Variants in RHOBTB3 observed in about 807,000 individuals in gnomAD.
RHOBTB3 encodes Rho related BTB domain containing 3, also known as rho-related BTB domain-containing protein 3.
RHOBTB3 carries 47 observed loss-of-function variants against 67.2 expected under a neutral mutation model. The ratio of observed to expected loss-of-function variants is 0.70; its 90% CI spans 0.55 to 0.89. RHOBTB3 has a LOEUF of 0.89. Ranked by LOEUF, RHOBTB3 falls within the 40% of genes least tolerant of loss-of-function variation. The pLI is 0.00. For synonymous variants in RHOBTB3, 273 were observed against 274.2 expected (o/e 1.00, Z 0.04); for missense variants, 631 against 750.0 (o/e 0.84, Z 1.85).
rs77097547 is a variant in RHOBTB3, at chr5:95,766,652, A to G, written c.1162-1394A>G. Among the ~76,000 whole-genome samples the G allele has an allele frequency of 7.7e-3, 1,172 of 152,026 alleles. 16 individuals are homozygous for G. Among genetic ancestry groups the G allele is most frequent in the African/African-American group, 0.027 (1,118 of 41,490 alleles). On this transcript the variant is annotated intron_variant, in intron 7 of 11. Coordinates refer to ENST00000379982, the MANE Select transcript of RHOBTB3 (RefSeq NM_014899.4). ...AAGCAAAGAAAAAAGGGTGGAGGGT[A>G]TGGAAAGGGAGGCCAGCCCTTGACT...
At chr5:95,770,662 C>A (rs1745681394) in intron 8 of RHOBTB3, 1 of 493,086 alleles carries the variant, frequency 2.0e-6, no homozygotes, top group South Asian at 1.5e-5. Context: ...AGAGAAGGAC[C>A]CTGGAATGGG....
intron 3 of RHOBTB3, among the ~76,000 whole-genome samples, chr5:95,742,715 C>T (rs778059432): frequency 4.6e-5 from 7 of 152,132 alleles, no homozygotes; most frequent in Non-Finnish European, 7.3e-5. Context: ...CTTTTCATAC[C>T]AGATCTCTAA....
intron 8 of RHOBTB3, among the ~76,000 whole-genome samples, chr5:95,778,045 G>A (rs375794677): frequency 6.6e-6 from 1 of 152,018 alleles, no homozygotes; most frequent in African/African-American, 2.4e-5. Flanking sequence ...ATTTGAACCT[G>A]GGAGGCGGAG....
intron 10 of RHOBTB3, 150 bp from the exon 11 acceptor site, chr5:95,788,611 TG>T (rs1419692079): frequency 6.8e-6 from 4 of 592,518 alleles, no homozygotes; most frequent in East Asian, 6.8e-5. Context: ...TCATCCTGTC[TG>T]CTGTCACAGT....
intron 2 of RHOBTB3, among the ~76,000 whole-genome samples, chr5:95,733,269 T>C (rs887555644): frequency 2.6e-5 from 4 of 152,216 alleles, no homozygotes; most frequent in African/African-American, 9.7e-5. Flanking sequence ...ATAAGAAGTA[T>C]TGATGGAGAA....
chr5:95,750,186 T>C (rs1451048799), intron 4 of RHOBTB3, among the ~76,000 whole-genome samples: 1 of 152,142 alleles, frequency 6.6e-6, no homozygotes, highest in Non-Finnish European at 1.5e-5. Flanking sequence ...GCATTGAAAA[T>C]CTGCATTTAA....
chr5:95,749,669 A>C (rs1014897082), intron 4 of RHOBTB3, among the ~76,000 whole-genome samples: 2 of 152,192 alleles, frequency 1.3e-5, no homozygotes, highest in Non-Finnish European at 2.9e-5. Flanking sequence ...AGAATGGTGC[A>C]TTTCCTAAAA....
chr5:95,783,062 G>T (rs1042050347), intron 9 of RHOBTB3, among the ~76,000 whole-genome samples: 1 of 150,730 alleles, frequency 6.6e-6, no homozygotes, highest in African/African-American at 2.4e-5. Context: ...GAGTATGAAG[G>T]CTTGGATTCT....
chr5:95,745,800 G>C (rs1580402219), intron 3 of RHOBTB3, among the ~76,000 whole-genome samples: 1 of 152,032 alleles, frequency 6.6e-6, no homozygotes, highest in East Asian at 1.9e-4. Flanking sequence ...GCTTGTTCCT[G>C]ATTAAATGGT....
At chr5:95,767,926 T>A (rs1172717398) in intron 7 of RHOBTB3, 120 bp from the exon 8 acceptor site, 1 of 949,220 alleles carries the variant, frequency 1.1e-6, no homozygotes, top group East Asian at 2.5e-5. Flanking sequence ...AGAGATGTCA[T>A]AGAGTAGGGA....
chr5:95,786,915 G>A (rs576383499), intron 10 of RHOBTB3, among the ~76,000 whole-genome samples: 1 of 152,212 alleles, frequency 6.6e-6, no homozygotes, highest in African/African-American at 2.4e-5. Context: ...ATGAATCTGG[G>A]CCAGGTCTGT....
Position 95,793,375 on chromosome 5 carries a change from C to CT in RHOBTB3, c.*202dup. The CT allele has an allele frequency of 2.5e-6, 1 of 406,816 alleles. No individual in the cohort carries two copies. Among genetic ancestry groups the CT allele is most frequent in the East Asian group, 3.9e-5 (1 of 25,468 alleles). The allele number at this position is 406,816 out of a possible 1,614,324, so 25.2% of individuals were successfully genotyped here. On this transcript the variant is annotated 3_prime_UTR_variant, in exon 12 of 12. Coordinates refer to ENST00000379982, the MANE Select transcript of RHOBTB3 (RefSeq NM_014899.4). The stretch of plus-strand genomic sequence containing the variant: ...GAACAAAATATACCATAGGCTAAAA[C>CT]TAAGGCTTTCACTCTAGAATGCAAA...
At position 95,736,996 on chromosome 5, in the gene RHOBTB3, G is replaced by A. The variant is rs763103033; in HGVS notation, c.336G>A (p.Lys112=). Reference sequence around the variant, plus strand: ...ACAAGTTTTCATTCCATGAAGTAAAGGATAATTATATTCCAGTGATAAAAA... The same window carrying A: ...ACAAGTTTTCATTCCATGAAGTAAAAGATAATTATATTCCAGTGATAAAAA... ...VNDKFSFHEV[K]DNYIPVIKRA... Residue 112 remains lysine (K), a synonymous_variant, in exon 3 of 12, where the codon AAG becomes AAA. Transcript: ENST00000379982. The A allele has an allele frequency of 6.2e-7, 1 of 1,606,496 alleles. No individual in the cohort carries two copies. Among genetic ancestry groups the A allele is most frequent in the South Asian group, 1.1e-5 (1 of 90,764 alleles).
intron 2 of RHOBTB3, 153 bp downstream of exon 2, chr5:95,732,237 G>A (rs904128548): frequency 7.0e-6 from 5 of 709,598 alleles, no homozygotes; most frequent in Non-Finnish European, 9.8e-6. Flanking sequence ...TTGGTCCTTT[G>A]TTTCACTGGG....
At chr5:95,792,466 C>T (rs1157429872) in intron 11 of RHOBTB3, among the ~76,000 whole-genome samples, 1 of 150,244 alleles carries the variant, frequency 6.7e-6, no homozygotes, top group Non-Finnish European at 1.5e-5. Flanking sequence ...AAAATAAGTC[C>T]GTTATATCCA....
chr5:95,763,999 G>T (rs562074556), intron 7 of RHOBTB3, among the ~76,000 whole-genome samples: 1 of 151,960 alleles, frequency 6.6e-6, no homozygotes, highest in Non-Finnish European at 1.5e-5. Flanking sequence ...TTGTAGAGAC[G>T]TGGTTTTTCC....
chr5:95,776,448 A>G (rs904104081), intron 8 of RHOBTB3, among the ~76,000 whole-genome samples: 1 of 152,026 alleles, frequency 6.6e-6, no homozygotes, highest in Admixed American at 6.5e-5. Flanking sequence ...AATTTAAAAA[A>G]TGTAATTTAT....
At chr5:95,726,504 A>G (rs1755056419), upstream of RHOBTB3, among the ~76,000 whole-genome samples, 2 of 152,266 alleles carry the variant, frequency 1.3e-5, no homozygotes, top group Non-Finnish European at 1.5e-5. Context: ...TCTATTAACT[A>G]TAATATGCAC....
intron 3 of RHOBTB3, among the ~76,000 whole-genome samples, chr5:95,737,554 T>C (rs1314675990): frequency 4.6e-5 from 7 of 152,200 alleles, no homozygotes; most frequent in Non-Finnish European, 7.3e-5. Flanking sequence ...ATAGATTCAT[T>C]GGGTTCAGGC....
Sources: allele counts gnomAD v4.1 joint callset (sites outside exome capture counted in the v4.1 genomes callset), GRCh38; gene constraint gnomAD v4.1.1; transcripts MANE v1.5; gene names NCBI Gene and HGNC (gene_info 2026-07-23, HGNC 2026-07-21).